Variants in CALR3 observed in about 807,000 individuals in gnomAD.
The protein encoded by CALR3 is calreticulin 3.
A neutral mutation model predicts 48.7 loss-of-function variants in CALR3; 39 were observed. The observed-to-expected ratio is 0.80, with a 90% CI of 0.62 to 1.05. The LOEUF is 1.05. Ranked by LOEUF, CALR3 falls within the 50% of genes least tolerant of loss-of-function variation. The pLI is 0.00. For synonymous variants in CALR3, 185 were observed against 172.7 expected, an observed-to-expected ratio of 1.07 and a Z score of -0.56; for missense variants, 449 against 474.7, an observed-to-expected ratio of 0.95 and a Z score of 0.50.
chr19:16,489,489 C>A (rs938784881), intron 3 of CALR3, among the ~76,000 whole-genome samples: 5 of 152,064 alleles, frequency 3.3e-5, no homozygotes, highest in Non-Finnish European at 4.4e-5. Context: ...CATGGTGGTG[C>A]ATGCCGGTAA....
chr19:16,495,392 C>T (rs1446303928), intron 2 of CALR3, among the ~76,000 whole-genome samples: 2 of 151,336 alleles, frequency 1.3e-5, no homozygotes, highest in African/African-American at 4.9e-5. Context: ...GACCCTGTCT[C>T]TACTAAAAGT....
intron 3 of CALR3, among the ~76,000 whole-genome samples, chr19:16,485,689 T>G (rs1033768787): frequency 3.9e-5 from 6 of 152,134 alleles, no homozygotes; most frequent in African/African-American, 1.4e-4. Flanking sequence ...AGTCTCACTC[T>G]GTCGCCCAGG....
intron 4 of CALR3, among the ~76,000 whole-genome samples, chr19:16,484,661 G>T (rs2093386424): frequency 6.6e-6 from 1 of 151,750 alleles, no homozygotes; most frequent in South Asian, 2.1e-4. Flanking sequence ...GGGACCACAG[G>T]TTCCTGGCAC....
intron 3 of CALR3, among the ~76,000 whole-genome samples, chr19:16,489,841 AAAACAAAAACAAAAAC>A (rs1225769489): frequency 1.3e-5 from 2 of 149,502 alleles, no homozygotes; most frequent in Non-Finnish European, 2.9e-5. Context: ...AACAAAAACA[AAAACAAAAACAAAAAC>A]AAACAAACAA....
Position 16,482,688 on chromosome 19 carries a change from G to C in CALR3, c.776C>G (p.Pro259Arg). The C allele has an allele frequency of 6.2e-7, 1 of 1,614,120 alleles. No homozygotes were observed. The highest frequency in any genetic ancestry group is 8.5e-7 in the Non-Finnish European group (1 of 1,180,038). ...GDWPAPMLQKPPYQDGLKPEG... is the reference protein window; with the variant it reads ...GDWPAPMLQKRPYQDGLKPEG... The stretch of plus-strand genomic sequence containing the variant: ...AAAGAGGCCACACACCTGGTACGGG[G>C]GCTTCTGGAGCATCGGCGCTGGCCA... Residue 259 changes from proline (P) to arginine (R), a missense_variant, in exon 6 of 9, where the codon CCC (proline) becomes CGC (arginine). Pro to Arg is a moderately radical substitution (Grantham distance 103). Transcript: ENST00000269881.
intron 3 of CALR3, among the ~76,000 whole-genome samples, chr19:16,487,694 A>G (rs1045455060): frequency 6.6e-6 from 1 of 150,706 alleles, no homozygotes; most frequent in African/African-American, 2.4e-5. Flanking sequence ...CTGGAGTGCA[A>G]TGGTGCAATC....
intron 2 of CALR3, among the ~76,000 whole-genome samples, chr19:16,493,734 A>T (rs201310838): frequency 4.8e-3 from 644 of 135,368 alleles, no homozygotes; most frequent in South Asian, 6.4e-3. Context: ...ATATATATAT[A>T]TTTTTTTTCT....
chr19:16,485,436 C>A (rs945322358), intron 3 of CALR3, among the ~76,000 whole-genome samples, 179 bp from the exon 4 acceptor site: 5 of 151,460 alleles, frequency 3.3e-5, no homozygotes, highest in African/African-American at 1.2e-4. Flanking sequence ...TCTCCTGCCT[C>A]AGCCTCCTGA....
chr19:16,488,292 C>T (rs924462127), intron 3 of CALR3, among the ~76,000 whole-genome samples: 2 of 152,174 alleles, frequency 1.3e-5, no homozygotes, highest in African/African-American at 4.8e-5. Flanking sequence ...CTATGTTGGC[C>T]AAGCTGGTCT....
At chr19:16,494,323 A>G (rs1215172460) in intron 2 of CALR3, among the ~76,000 whole-genome samples, 1 of 151,672 alleles carries the variant, frequency 6.6e-6, no homozygotes, top group East Asian at 1.9e-4. Flanking sequence ...TGGCCTCCCA[A>G]CATGCTGGGA....
chr19:16,495,988 G>A (rs1161643800), intron 1 of CALR3, 51 bp downstream of exon 1: 1 of 1,566,842 alleles, frequency 6.4e-7, no homozygotes. Context: ...GCCTTAGGGG[G>A]CGGAGATGGG....
At chr19:16,495,227 CAAAAAAA>C (rs548752979) in intron 2 of CALR3, among the ~76,000 whole-genome samples, 1,799 of 123,074 alleles carry the variant, frequency 0.015, 19 homozygotes, top group Middle Eastern at 0.025. Flanking sequence ...CTCCTACTAC[CAAAAAAA>C]AAAAAAAAAA....
At chr19:16,483,889 C>T (rs373585740) in intron 5 of CALR3, 41 bp downstream of exon 5, 2 of 1,596,310 alleles carry the variant, frequency 1.3e-6, no homozygotes, top group African/African-American at 1.3e-5. Flanking sequence ...TTACAAACTA[C>T]ATTTGTGCAC....
Position 16,486,319 on chromosome 19 carries a change from T to TA in CALR3, c.398-1063dup, listed in dbSNP as rs372688610. Among the ~76,000 whole-genome samples, 304 of 124,056 alleles carry TA rather than the reference T, an allele frequency of 2.5e-3. 1 individual carries two copies. Among genetic ancestry groups the TA allele is most frequent in the African/African-American group, 5.7e-3 (192 of 33,516 alleles). The allele number at this position is 124,056 out of a possible 152,430, so 81.4% of individuals were successfully genotyped here. A position where few individuals can be genotyped will look rare whatever the true frequency, so the allele number is the denominator to read the frequency against. ...TGACCAAGCGAGACTCCGTCTCAAT[T>TA]AAAAAAAAAAAAAAAGTGTGGGCTG... On this transcript the variant is annotated intron_variant, in intron 3 of 8. Coordinates refer to ENST00000269881, the MANE Select transcript of CALR3 (RefSeq NM_145046.5).
intron 2 of CALR3, among the ~76,000 whole-genome samples, chr19:16,494,951 T>C (rs924417302): frequency 5.9e-5 from 9 of 152,182 alleles, no homozygotes; most frequent in African/African-American, 1.7e-4. Flanking sequence ...ATAATGATAA[T>C]AGGCCAAGCA....
rs3810199 is a variant in CALR3 at position 16,495,931 on chromosome 19, G to C, written c.92-79C>G. 1,342,044 of 1,563,842 alleles carry C rather than the reference G, an allele frequency of 0.86. 576,919 individuals are homozygous for C. Among genetic ancestry groups the C allele is most frequent in the South Asian group, 0.88 (78,347 of 89,356 alleles). ...TAAGGGAAGGGTGAAGGGGACCCTCGAGGATTCGAGGGTTCGCTGCCGTGG... is the reference window on the plus strand; with the variant it reads ...TAAGGGAAGGGTGAAGGGGACCCTCCAGGATTCGAGGGTTCGCTGCCGTGG... On this transcript the variant is annotated intron_variant, in intron 1 of 8. Transcript: ENST00000269881.
chr19:16,480,270 G>T (rs1005371206), intron 8 of CALR3, among the ~76,000 whole-genome samples: 1 of 151,666 alleles, frequency 6.6e-6, no homozygotes, highest in Non-Finnish European at 1.5e-5. Flanking sequence ...CCTTACATGG[G>T]GCCAGGCACA....
rs1036223811 is a variant in CALR3 at position 16,490,451 on chromosome 19, A to C, written c.313T>G (p.Cys105Gly). 1 of 1,614,190 alleles carries C rather than the reference A, an allele frequency of 6.2e-7. No individual in the cohort carries two copies. Residue 105 changes from cysteine (C) to glycine (G), a missense_variant, in exon 3 of 9, where the codon TGT becomes GGT. By Grantham distance (159) the Cys-to-Gly change is radical (BLOSUM62 -3). Coordinates refer to ENST00000269881, the MANE Select transcript of CALR3 (RefSeq NM_145046.5). ...AAGACCTTAATGTAGCCCCCTCCACAGTCCATCTTCTGCTCATGTTTTACT... is the reference window on the plus strand; with the variant it reads ...AAGACCTTAATGTAGCCCCCTCCACCGTCCATCTTCTGCTCATGTTTTACT... ...YTVKHEQKMD[C>G]GGGYIKVFPA...
chr19:16,490,333 C>G, intron 3 of CALR3, 34 bp downstream of exon 3: 5 of 1,597,438 alleles, frequency 3.1e-6, no homozygotes, highest in Non-Finnish European at 3.4e-6. Flanking sequence ...TTCAAAGTCA[C>G]TAGAAGTGGT....
Sources: allele counts gnomAD v4.1 joint callset (sites outside exome capture counted in the v4.1 genomes callset), GRCh38; gene constraint gnomAD v4.1.1; transcripts MANE v1.5; gene names NCBI Gene and HGNC (gene_info 2026-07-23, HGNC 2026-07-21).